Variants in LUZP2 observed in about 807,000 individuals in gnomAD.
LUZP2 encodes leucine zipper protein 2.
Under a neutral mutation model 51.6 loss-of-function variants are expected in LUZP2, and 52 were observed. The observed-to-expected ratio is 1.01, with a 90% confidence interval of 0.81 to 1.27. The LOEUF is 1.27. Ranked by LOEUF, LUZP2 falls within the 50% of genes most tolerant of loss-of-function variation. LUZP2 has a pLI of 0.00. For missense variants in LUZP2, 436 were observed against 395.4 expected (o/e 1.10, Z -0.87); for synonymous variants, 154 against 137.3 (o/e 1.12, Z -0.85).
At chr11:24,759,985 A>AATAC (rs1387375517) in intron 4 of LUZP2, among the ~76,000 whole-genome samples, 9 of 152,174 alleles carry the variant, frequency 5.9e-5, no homozygotes, top group African/African-American at 2.2e-4. Context: ...GACATCAGTG[A>AATAC]ATACATGTAA....
At chr11:24,808,175 A>C (rs1001391360) in intron 5 of LUZP2, among the ~76,000 whole-genome samples, 1 of 152,182 alleles carries the variant, frequency 6.6e-6, no homozygotes, top group Admixed American at 6.5e-5. Flanking sequence ...TTACTTGTTA[A>C]TTTAAATAAT....
At chr11:25,004,473 G>C (rs1424141115) in intron 9 of LUZP2, among the ~76,000 whole-genome samples, 4 of 152,098 alleles carry the variant, frequency 2.6e-5, no homozygotes, top group African/African-American at 9.7e-5. Flanking sequence ...TGGTTGCCAG[G>C]TTTAATAATG....
chr11:24,927,199 C>A (rs1854306702), intron 7 of LUZP2, among the ~76,000 whole-genome samples: 1 of 150,900 alleles, frequency 6.6e-6, no homozygotes, highest in African/African-American at 2.4e-5. Context: ...AAGATATTTT[C>A]TTACTCTTTG....
chr11:24,529,234 C>T (rs79318999), intron 1 of LUZP2, among the ~76,000 whole-genome samples: 3,777 of 151,012 alleles, frequency 0.025, 70 homozygotes, highest in Admixed American at 0.05. Flanking sequence ...ACAAAAAAAA[C>T]CTGGCATAGT....
At chr11:24,634,008 T>C (rs1854989218) in intron 1 of LUZP2, among the ~76,000 whole-genome samples, 2 of 151,684 alleles carry the variant, frequency 1.3e-5, no homozygotes, top group South Asian at 4.2e-4. Context: ...TCTAAACCTG[T>C]TTAACTATTA....
chr11:25,020,446 C>G (rs375692424), intron 9 of LUZP2, among the ~76,000 whole-genome samples: 101 of 152,220 alleles, frequency 6.6e-4, no homozygotes, highest in Middle Eastern at 3.4e-3. Flanking sequence ...TCAGCATGGA[C>G]TGCATCTGAA....
chr11:24,903,574 C>A (rs1853343658), intron 5 of LUZP2, among the ~76,000 whole-genome samples: 1 of 152,132 alleles, frequency 6.6e-6, no homozygotes, highest in African/African-American at 2.4e-5. Context: ...TGGTGCTTAT[C>A]CAATTGGCCC....
intron 9 of LUZP2, among the ~76,000 whole-genome samples, chr11:24,991,808 C>T (rs1856355112): frequency 6.6e-6 from 1 of 151,970 alleles, no homozygotes; most frequent in Non-Finnish European, 1.5e-5. Context: ...AATCGCATTT[C>T]CCTGATCATT....
At chr11:25,002,297 T>A (rs925803923) in intron 9 of LUZP2, among the ~76,000 whole-genome samples, 4 of 152,126 alleles carry the variant, frequency 2.6e-5, no homozygotes, top group African/African-American at 7.2e-5. Context: ...GTTATATAGG[T>A]TAAGGTCAGG....
At chr11:24,944,055 C>T (rs1854835148) in intron 7 of LUZP2, among the ~76,000 whole-genome samples, 1 of 152,100 alleles carries the variant, frequency 6.6e-6, no homozygotes, top group Non-Finnish European at 1.5e-5. Context: ...CTAACTCACA[C>T]ACACATGATC....
intron 5 of LUZP2, among the ~76,000 whole-genome samples, chr11:24,810,430 C>A (rs917615345): frequency 2.0e-5 from 3 of 151,994 alleles, no homozygotes; most frequent in African/African-American, 7.3e-5. Context: ...AAGATAATAG[C>A]CACTCTTTCT....
At chr11:25,015,789 T>G (rs1375971592) in intron 9 of LUZP2, among the ~76,000 whole-genome samples, 1 of 152,206 alleles carries the variant, frequency 6.6e-6, no homozygotes, top group Non-Finnish European at 1.5e-5. Context: ...GTTACTATGA[T>G]TCTTGTCCAA....
At chr11:24,937,341 A>G (rs1352744909) in intron 7 of LUZP2, among the ~76,000 whole-genome samples, 2 of 152,174 alleles carry the variant, frequency 1.3e-5, no homozygotes, top group Non-Finnish European at 2.9e-5. Flanking sequence ...TTACCTGGAA[A>G]CTAAGCTTAA....
At chr11:24,675,248 A>G (rs1159685089) in intron 1 of LUZP2, among the ~76,000 whole-genome samples, 1 of 152,220 alleles carries the variant, frequency 6.6e-6, no homozygotes, top group Non-Finnish European at 1.5e-5. Context: ...TTTTCCTAAC[A>G]GACATACAGA....
At chr11:24,673,811 A>G (rs905195840) in intron 1 of LUZP2, among the ~76,000 whole-genome samples, 1 of 152,204 alleles carries the variant, frequency 6.6e-6, no homozygotes, top group African/African-American at 2.4e-5. Context: ...TTCTTTTTAA[A>G]GCAAAGGTTC....
At chr11:24,747,774 G>T (rs1398494078) in intron 4 of LUZP2, among the ~76,000 whole-genome samples, 1 of 152,080 alleles carries the variant, frequency 6.6e-6, no homozygotes, top group Admixed American at 6.6e-5. Flanking sequence ...GGTGACTGGA[G>T]TTGTGTACCT....
chr11:24,973,102 A>G (rs1855793317), intron 7 of LUZP2, among the ~76,000 whole-genome samples: 1 of 125,844 alleles, frequency 7.9e-6, no homozygotes, highest in Non-Finnish European at 1.7e-5. Context: ...GCTATTTCTT[A>G]CTGCCTCAAT....
intron 5 of LUZP2, among the ~76,000 whole-genome samples, chr11:24,834,797 A>T (rs1347446448): frequency 6.6e-6 from 1 of 152,202 alleles, no homozygotes; most frequent in African/African-American, 2.4e-5. Context: ...GACTGGTGTG[A>T]GATGGTATCT....
chr11:24,714,993 G>T (rs1023343486), intron 1 of LUZP2, among the ~76,000 whole-genome samples: 2 of 152,106 alleles, frequency 1.3e-5, no homozygotes, highest in Non-Finnish European at 2.9e-5. Context: ...AGCCTTTTGA[G>T]AAACAGAATA....
Sources: gnomAD v4.1 joint callset for allele counts (sites outside exome capture counted in the v4.1 genomes callset) on GRCh38, gnomAD v4.1.1 for gene constraint, MANE v1.5 for transcripts, NCBI Gene and HGNC (gene_info 2026-07-23, HGNC 2026-07-21) for gene names.